Variants in TBC1D30 observed in about 807,000 individuals in gnomAD.
TBC1D30 encodes the protein TBC1 domain family member 30, also known as TBC1 domain family, member 30.
A neutral mutation model predicts 63.2 loss-of-function variants in TBC1D30; 31 were observed. The observed-to-expected ratio is 0.49, with a 90% CI of 0.37 to 0.66. TBC1D30 has a LOEUF of 0.66. Among genes scored for constraint, TBC1D30 ranks in the 30% least tolerant of loss-of-function variants. The pLI is 0.00. For missense variants in TBC1D30, 810 were observed against 953.6 expected (o/e 0.85, Z 1.98); for synonymous variants, 307 against 361.5 (o/e 0.85, Z 1.71).
chr12:64,816,460 G>A (rs761664982), intron 2 of TBC1D30, among the ~76,000 whole-genome samples: 1 of 152,192 alleles, frequency 6.6e-6, no homozygotes, highest in Non-Finnish European at 1.5e-5. Flanking sequence ...AACTCAAACT[G>A]TATTGTCCAA....
At chr12:64,800,514 T>C (rs1366060115) in intron 2 of TBC1D30, among the ~76,000 whole-genome samples, 1 of 151,620 alleles carries the variant, frequency 6.6e-6, no homozygotes, top group East Asian at 1.9e-4. Context: ...GGCAATGAGA[T>C]ATTTAGGAGG....
intron 1 of TBC1D30, among the ~76,000 whole-genome samples, chr12:64,774,760 C>T (rs1331010530): frequency 6.6e-6 from 1 of 152,068 alleles, no homozygotes; most frequent in African/African-American, 2.4e-5. Flanking sequence ...TTCATTACTA[C>T]CAGACCTGCC....
intron 11 of TBC1D30, among the ~76,000 whole-genome samples, chr12:64,873,485 G>A (rs11175580): frequency 0.036 from 5,498 of 152,142 alleles, 333 homozygotes; most frequent in African/African-American, 0.13. Context: ...AGGGATGCCT[G>A]TGAGGGAGTG....
chr12:64,780,361 T>A (rs573434568), upstream of TBC1D30, among the ~76,000 whole-genome samples: 21 of 152,358 alleles, frequency 1.4e-4, no homozygotes, highest in African/African-American at 5.0e-4. Flanking sequence ...AGAACCCTCC[T>A]GGGCATTATT....
At position 64,879,856 on chromosome 12, in the gene TBC1D30, CAAAG is replaced by C. The variant is rs1374034663; in HGVS notation, c.*4072_*4075del. 1 of 152,058 alleles carries C rather than the reference CAAAG, an allele frequency of 6.6e-6. No individual in the cohort carries two copies. The highest frequency in any genetic ancestry group is 1.5e-5 in the Non-Finnish European group (1 of 68,020). The allele number at this position is 152,058 out of a possible 1,614,324, so 9.4% of individuals were successfully genotyped here. ...TACTTGAGACTTGGTATCCTGAACT[CAAAG>C]AAATAGCCATTACTAGGTTTTGTCA... On this transcript the variant is annotated 3_prime_UTR_variant, in exon 12 of 12. Coordinates refer to ENST00000539867, the MANE Select transcript of TBC1D30 (RefSeq NM_015279.2).
chr12:64,821,210 G>A (rs1262065062), upstream of TBC1D30, among the ~76,000 whole-genome samples: 1 of 152,230 alleles, frequency 6.6e-6, no homozygotes, highest in African/African-American at 2.4e-5. Flanking sequence ...GTGAACTCAG[G>A]GGTATTGACT....
chr12:64,852,799 C>T (rs1876988046), intron 8 of TBC1D30, among the ~76,000 whole-genome samples: 1 of 152,184 alleles, frequency 6.6e-6, no homozygotes, highest in East Asian at 1.9e-4. Flanking sequence ...CCCTGTTTTC[C>T]TGGGTATCAC....
intron 8 of TBC1D30, among the ~76,000 whole-genome samples, chr12:64,850,300 T>C (rs1380191751): frequency 1.3e-5 from 2 of 152,188 alleles, no homozygotes; most frequent in Admixed American, 1.3e-4. Flanking sequence ...CCAGAACTTC[T>C]AATACTGTGT....
At chr12:64,832,562 G>A (rs1202617039) in intron 5 of TBC1D30, among the ~76,000 whole-genome samples, 1 of 152,190 alleles carries the variant, frequency 6.6e-6, no homozygotes, top group Non-Finnish European at 1.5e-5. Flanking sequence ...AATATTAATT[G>A]TATTAATTAT....
chr12:64,820,077 A>G (rs1018989919), upstream of TBC1D30, among the ~76,000 whole-genome samples: 2 of 152,152 alleles, frequency 1.3e-5, no homozygotes. Context: ...TCCTCATAGC[A>G]GGCTTCCAGG....
intron 5 of TBC1D30, among the ~76,000 whole-genome samples, chr12:64,833,094 C>G (rs1875017329): frequency 6.6e-6 from 1 of 152,164 alleles, no homozygotes; most frequent in Non-Finnish European, 1.5e-5. Context: ...GCCTCCCACA[C>G]TAGTTATGCT....
intron 1 of TBC1D30, chr12:64,785,776 A>T: frequency 1.2e-6 from 1 of 869,480 alleles, no homozygotes; most frequent in South Asian, 1.6e-5. Context: ...ACCTAGAATT[A>T]GTTGGTTTAA....
At chr12:64,784,387 G>A (rs1189562694) in intron 1 of TBC1D30, among the ~76,000 whole-genome samples, 1 of 151,960 alleles carries the variant, frequency 6.6e-6, no homozygotes, top group Non-Finnish European at 1.5e-5. Context: ...GCATTTGTTT[G>A]TTACAGACCC....
chr12:64,800,974 G>C (rs1233373869), intron 2 of TBC1D30, among the ~76,000 whole-genome samples: 1 of 152,140 alleles, frequency 6.6e-6, no homozygotes, highest in African/African-American at 2.4e-5. Context: ...GTTTTCTGGA[G>C]GTGAGACGGA....
chr12:64,815,032 G>C (rs950308975), intron 2 of TBC1D30, among the ~76,000 whole-genome samples: 1 of 152,164 alleles, frequency 6.6e-6, no homozygotes, highest in African/African-American at 2.4e-5. Flanking sequence ...TATAATTCAG[G>C]AGACATGTAC....
At chr12:64,772,735 G>A (rs1023133945) in intron 1 of TBC1D30, among the ~76,000 whole-genome samples, 2 of 152,110 alleles carry the variant, frequency 1.3e-5, no homozygotes, top group African/African-American at 4.8e-5. Flanking sequence ...GCCTACATCA[G>A]TTCTTTTAAA....
chr12:64,824,225 T>C (rs909287803), upstream of TBC1D30, among the ~76,000 whole-genome samples: 3 of 152,208 alleles, frequency 2.0e-5, no homozygotes, highest in Non-Finnish European at 2.9e-5. Context: ...AATTTTTTTT[T>C]CCTTCATTTT....
chr12:64,810,090 C>T (rs1380859414), intron 2 of TBC1D30, among the ~76,000 whole-genome samples: 4 of 152,162 alleles, frequency 2.6e-5, no homozygotes, highest in African/African-American at 4.8e-5. Context: ...CACCCTGCTC[C>T]ATCTCCTGTG....
At chr12:64,808,711 C>G (rs1226214039) in intron 2 of TBC1D30, among the ~76,000 whole-genome samples, 1 of 152,138 alleles carries the variant, frequency 6.6e-6, no homozygotes, top group Non-Finnish European at 1.5e-5. Flanking sequence ...AATTGAAACT[C>G]TGTGCCTATT....
Sources: gnomAD v4.1 joint callset for allele counts (sites outside exome capture counted in the v4.1 genomes callset) on GRCh38, gnomAD v4.1.1 for gene constraint, MANE v1.5 for transcripts, NCBI Gene and HGNC (gene_info 2026-07-23, HGNC 2026-07-21) for gene names.